Variants in EOMES observed in about 807,000 individuals in gnomAD.
EOMES encodes the protein eomesodermin, also known as eomesodermin homolog.
In EOMES, 18 loss-of-function variants were observed where a neutral mutation model predicts 61.0. That is an observed-to-expected ratio of 0.30 (90% CI 0.20 to 0.44). The LOEUF is 0.44. Ranked by LOEUF, EOMES falls within the 20% of genes least tolerant of loss-of-function variation. EOMES has a pLI of 1.00. For missense variants in EOMES, 885 were observed against 939.2 expected (o/e 0.94, Z 0.75); for synonymous variants, 430 against 394.0 (o/e 1.09, Z -1.08).
rs2060610259 is a variant in EOMES, at chr3:27,721,249, ACACC to A, written c.881+161_881+164del. Among the ~76,000 whole-genome samples the A allele has an allele frequency of 1.3e-5, 2 of 151,290 alleles. No homozygotes were observed. The highest frequency in any genetic ancestry group is 2.9e-5 in the Non-Finnish European group (2 of 67,806). On this transcript the variant is annotated intron_variant, in intron 1 of 5. Transcript: ENST00000449599. The surrounding 1 kb of genome is among the most constrained non-coding windows in gnomAD (Gnocchi z 7.4). ...GCCGCCGGGGCACTGACACAGAGGG[ACACC>A]GCATTGGAGATGCGGTGTCTACGGA... is the stretch of plus-strand genomic sequence containing the variant.
At chr3:27,720,357 T>C (rs758206012) in intron 1 of EOMES, 32 bp from the exon 2 acceptor site, 3 of 1,606,878 alleles carry the variant, frequency 1.9e-6, no homozygotes, top group Non-Finnish European at 2.6e-6. Context: ...GAAAAATCGA[T>C]TTTAATTGGG....
chr3:27,717,677 G>A lies in EOMES; in HGVS notation c.1511C>T (p.Pro504Leu). Residue 504 changes from proline to leucine, a missense_variant, in exon 6 of 6, where the codon CCT becomes CTT. Coordinates refer to ENST00000449599, the MANE Select transcript of EOMES (RefSeq NM_001278182.2). This position sits in a 1 kb window ranked among gnomAD's most constrained non-coding sequence, Gnocchi z 4.5. ...FFPEPFVNTL[P>L]QARYYNGERT... ...CTCGCCATTATAATAGCGGGCTTGA[G>A]GTAAAGTGTTGACAAAGGGCTCCGG... The A allele has an allele frequency of 6.2e-7, 1 of 1,614,052 alleles. No individual in the cohort carries two copies. The highest frequency in any genetic ancestry group is 1.1e-5 in the South Asian group (1 of 91,058).
At chr3:27,718,508 T>C in intron 5 of EOMES, 79 bp downstream of exon 5, 2 of 1,007,634 alleles carry the variant, frequency 2.0e-6, no homozygotes, top group Non-Finnish European at 2.9e-6. Context: ...CTTCCTAAAA[T>C]ACATTATCAG....
chr3:27,718,725 G>A lies in EOMES; in HGVS notation c.1317+10C>T. ...GCTTTAGAGATTCTTGAGATGTCTG[G>A]GACACTCACATCGGTGTTTTGGTAG... On this transcript the variant is annotated intron_variant, in intron 4 of 5. Coordinates refer to ENST00000449599, the MANE Select transcript of EOMES (RefSeq NM_001278182.2). 9 of 1,613,950 alleles carry A rather than the reference G, an allele frequency of 5.6e-6. No homozygotes were observed. Among genetic ancestry groups the A allele is most frequent in the Non-Finnish European group, 7.6e-6 (9 of 1,179,854 alleles).
chr3:27,718,560 G>C, intron 5 of EOMES, 27 bp downstream of exon 5: 1 of 1,537,092 alleles, frequency 6.5e-7, no homozygotes, highest in Non-Finnish European at 9.0e-7. Context: ...AGATGATCAG[G>C]CAAGTGTGGA....
rs757149389 is a variant in EOMES, at chr3:27,721,931, CGGCGG to C, written c.359_363del (p.Ala120GlyfsTer60). ...GCCGCAGCCGCGGCGGCGGCGGCGG[CGGCGG>C]CTGCAGCGGCGGAGGGCAGCTCCTC... On this transcript the variant is annotated frameshift_variant, in exon 1 of 6. Coordinates refer to ENST00000449599, the MANE Select transcript of EOMES (RefSeq NM_001278182.2). LOFTEE classifies it high-confidence loss of function. The surrounding 1 kb of genome is among the most constrained non-coding windows in gnomAD (Gnocchi z 7.4). 75 of 1,369,378 alleles carry C rather than the reference CGGCGG, an allele frequency of 5.5e-5. No individual in the cohort carries two copies. The highest frequency in any genetic ancestry group is 2.8e-4 in the South Asian group (14 of 49,204). The allele number at this position is 1,369,378 out of a possible 1,614,324, so 84.8% of individuals were successfully genotyped here.
At chr3:27,720,578 C>T (rs1333511106) in intron 1 of EOMES, among the ~76,000 whole-genome samples, 1 of 138,132 alleles carries the variant, frequency 7.2e-6, no homozygotes, top group African/African-American at 2.6e-5. Flanking sequence ...AAAAGCTTGC[C>T]CCAACATCGG....
upstream of EOMES, chr3:27,722,381 T>G: frequency 5.8e-6 from 8 of 1,373,198 alleles, no homozygotes; most frequent in African/African-American, 1.5e-5. Flanking sequence ...CAGCGCCCTC[T>G]TCCGAGGGGA....
In EOMES at chr3:27,717,159, T is replaced by C. The variant is rs1559925569; in HGVS notation, c.2029A>G (p.Ile677Val). ...SNSSNENSPS[I>V]KCEDINAEEY... ...TCAGCATTAATGTCCTCACACTTTA[T>C]GGAGGGTGAATTTTCATTACTGGAG... The change falls in exon 6 of 6, where the codon ATA becomes GTA. Residue 677 changes from isoleucine (I) to valine (V), a missense_variant. Physicochemically the swap from Ile to Val is conservative, Grantham distance 29 (BLOSUM62 3). Around this residue, in one of 3 missense-constraint regions of EOMES, gnomAD observed 259 missense variants for 282.3 expected, o/e 0.92. Transcript: ENST00000449599. The surrounding 1 kb of genome is among the most constrained non-coding windows in gnomAD (Gnocchi z 4.5). 6.2e-7 allele frequency: 1 copy of C among 1,612,976 alleles called. No individual in the cohort carries two copies. The highest frequency in any genetic ancestry group is 1.7e-5 in the Admixed American group (1 of 60,004).
chr3:27,721,621 C>T lies in EOMES; in HGVS notation c.674G>A (p.Gly225Asp). ...GSGAGGSSGG[G>D]GGPGTYQYSQ... The stretch of plus-strand genomic sequence containing the variant: ...GTACTGATAGGTGCCCGGGCCGCCG[C>T]CCCCGCCGCTGCTACCGCCCGCGCC... The change falls in exon 1 of 6, where the codon GGC becomes GAC. Residue 225 changes from glycine (G) to aspartate (D), a missense_variant. Around this residue, in one of 3 missense-constraint regions of EOMES, gnomAD observed 449 missense variants for 383.6 expected, o/e 1.17. Transcript: ENST00000449599. This position sits in a 1 kb window ranked among gnomAD's most constrained non-coding sequence, Gnocchi z 7.4. The T allele has an allele frequency of 6.5e-7, 1 of 1,542,882 alleles. No homozygotes were observed. The highest frequency in any genetic ancestry group is 8.7e-7 in the Non-Finnish European group (1 of 1,147,646).
chr3:27,722,079 G>A lies in EOMES; in HGVS notation c.216C>T (p.Ser72=). The A allele has an allele frequency of 6.5e-7, 1 of 1,547,680 alleles. No homozygotes were observed. Among genetic ancestry groups the A allele is most frequent in the Non-Finnish European group, 8.7e-7 (1 of 1,145,966 alleles). Reference sequence around the variant, plus strand: ...TAAGCATGGCCGCGGGGGCCCCTGCGCTGGCGGCTGCGGGCTCCCCGCTCA... The same window carrying A: ...TAAGCATGGCCGCGGGGGCCCCTGCACTGGCGGCTGCGGGCTCCCCGCTCA... The part of the protein sequence containing the change: ...EAVSGEPAAA[S]AGAPAAMLSD... Residue 72 remains serine, a synonymous_variant, in exon 1 of 6, where the codon AGC becomes AGT. Transcript: ENST00000449599.
Position 27,716,899 on chromosome 3 carries a change from C to T in EOMES, c.*171G>A, listed in dbSNP as rs1324641410. ...AAAAATGCTAGGTTTGTTTCAGTTACCTGCAGCAATCAAAAAGCTTTGGCA... is the reference window on the plus strand; with the variant it reads ...AAAAATGCTAGGTTTGTTTCAGTTATCTGCAGCAATCAAAAAGCTTTGGCA... On this transcript the variant is annotated 3_prime_UTR_variant, in exon 6 of 6. Coordinates refer to ENST00000449599, the MANE Select transcript of EOMES (RefSeq NM_001278182.2). 1.0e-5 allele frequency: 6 copies of T among 579,358 alleles called. No homozygotes were observed. The highest frequency in any genetic ancestry group is 1.2e-5 in the Non-Finnish European group (4 of 328,476). The allele number at this position is 579,358 out of a possible 1,614,324, so 35.9% of individuals were successfully genotyped here.
At chr3:27,722,690 C>G (rs1268074756), upstream of EOMES, 1 of 1,010,478 alleles carries the variant, frequency 9.9e-7, no homozygotes, top group Non-Finnish European at 1.2e-6. Context: ...GCCAAAGCAT[C>G]GGTCAAGTTG....
rs1410021089 is a variant in EOMES, at chr3:27,722,300, G to C, written c.-6C>G. 6.4e-7 allele frequency: 1 copy of C among 1,554,858 alleles called. No homozygotes were observed. Among genetic ancestry groups the C allele is most frequent in the Non-Finnish European group, 8.7e-7 (1 of 1,155,466 alleles). On this transcript the variant is annotated 5_prime_UTR_variant, in exon 1 of 6. Coordinates refer to ENST00000449599, the MANE Select transcript of EOMES (RefSeq NM_001278182.2). ...AGCTGCTCCCCTAACTGCATGCTTT[G>C]CAAAGCGCAGACGGCAGCTGGCTGC...
In EOMES at chr3:27,721,408, G is replaced by A. The variant is rs771286530; in HGVS notation, c.881+6C>T. 5 of 1,607,544 alleles carry A rather than the reference G, an allele frequency of 3.1e-6. No individual in the cohort carries two copies. In the African/African-American group the frequency reaches 4.0e-5, roughly 13 times the overall value. ...GAACCCAGGGGCCCCTCCACGCTGC[G>A]CTCACCTGCCCTGTTTCGTAATGAT... On this transcript the variant is annotated splice_donor_region_variant and intron_variant, in intron 1 of 5. Transcript: ENST00000449599. This position sits in a 1 kb window ranked among gnomAD's most constrained non-coding sequence, Gnocchi z 7.4.
At chr3:27,720,479 A>T (rs570672504) in intron 1 of EOMES, among the ~76,000 whole-genome samples, 154 bp from the exon 2 acceptor site, 2 of 147,466 alleles carry the variant, frequency 1.4e-5, no homozygotes, top group South Asian at 4.4e-4. Flanking sequence ...AGTGGTCTGA[A>T]ACTATGTAAA....
At position 27,721,398 on chromosome 3, in the gene EOMES, T is replaced by A. The variant is rs1251271390; in HGVS notation, c.881+16A>T. The A allele has an allele frequency of 6.2e-7, 1 of 1,600,980 alleles. No homozygotes were observed. The highest frequency in any genetic ancestry group is 8.5e-7 in the Non-Finnish European group (1 of 1,174,206). On this transcript the variant is annotated intron_variant, in intron 1 of 5. Transcript: ENST00000449599. The surrounding 1 kb of genome is among the most constrained non-coding windows in gnomAD (Gnocchi z 7.4). Reference sequence around the variant, plus strand: ...CTTTATCCCCGAACCCAGGGGCCCCTCCACGCTGCGCTCACCTGCCCTGTT... The same window carrying A: ...CTTTATCCCCGAACCCAGGGGCCCCACCACGCTGCGCTCACCTGCCCTGTT...
chr3:27,718,917 T>C (rs1051283838), intron 3 of EOMES, 24 bp from the exon 4 acceptor site: 2 of 1,574,244 alleles, frequency 1.3e-6, no homozygotes, highest in Middle Eastern at 1.7e-4. Context: ...AGAAAAAAAT[T>C]GCTAAATCTA....
chr3:27,721,520 C>G lies in EOMES; in HGVS notation c.775G>C (p.Gly259Arg). The G allele has an allele frequency of 6.2e-7, 1 of 1,611,460 alleles. No homozygotes were observed. Among genetic ancestry groups the G allele is most frequent in the Non-Finnish European group, 8.5e-7 (1 of 1,179,010 alleles). Reference sequence around the variant, plus strand: ...GCACGGAAGCCAGAACCTGGAACCCCCAGGCCCCCCAGTCCTCCGCAAGAT... The same window carrying G: ...GCACGGAAGCCAGAACCTGGAACCCGCAGGCCCCCCAGTCCTCCGCAAGAT... Reference protein sequence around the residue: ...AGSCGGLGGLGVPGSGFRAHV... With the variant: ...AGSCGGLGGLRVPGSGFRAHV... The change falls in exon 1 of 6, where the codon GGG becomes CGG. Residue 259 changes from glycine to arginine, a missense_variant. By Grantham distance (125) the Gly-to-Arg change is moderately radical (BLOSUM62 -2). Transcript: ENST00000449599. The surrounding 1 kb of genome is among the most constrained non-coding windows in gnomAD (Gnocchi z 7.4).
Sources: allele counts gnomAD v4.1 joint callset (sites outside exome capture counted in the v4.1 genomes callset), GRCh38; gene constraint gnomAD v4.1.1; regional missense constraint gnomAD v4.1.1; non-coding constraint Gnocchi (gnomAD v3.1); transcripts MANE v1.5; gene names NCBI Gene and HGNC (gene_info 2026-07-23, HGNC 2026-07-21).